Variants in EVI5 observed in about 807,000 individuals in gnomAD.
The protein encoded by EVI5 is ecotropic viral integration site 5 protein homolog.
A neutral mutation model predicts 112.0 loss-of-function variants in EVI5; 73 were observed. The ratio of observed to expected loss-of-function variants is 0.65; its 90% CI spans 0.54 to 0.79. EVI5 has a LOEUF of 0.79. Among genes scored for constraint, EVI5 ranks in the 30% least tolerant of loss-of-function variants. EVI5 has a pLI of 0.00. For synonymous variants in EVI5, 305 were observed against 319.9 expected (o/e 0.95, Z 0.50); for missense variants, 900 against 968.8 (o/e 0.93, Z 0.94).
rs200758588 is a variant in EVI5 at position 92,695,359 on chromosome 1, G to A, written c.860C>T (p.Thr287Ile). 20 of 1,610,004 alleles carry A rather than the reference G, an allele frequency of 1.2e-5. No homozygotes were observed. Among genetic ancestry groups the A allele is most frequent in the Admixed American group, 1.7e-5 (1 of 59,832 alleles). Residue 287 changes from threonine (T) to isoleucine (I), a missense_variant, in exon 7 of 20, where the codon ACT becomes ATT. Transcript: ENST00000684568. ...CCTTGTTGCAATTGGTAGTGGAAAAGTTGTAAGAAAGATAGTCAGAAACCA... is the reference window on the plus strand; with the variant it reads ...CCTTGTTGCAATTGGTAGTGGAAAAATTGTAAGAAAGATAGTCAGAAACCA... ...SSWFLTIFLT[T>I]FPLPIATRIF...
At position 92,736,379 on chromosome 1, in the gene EVI5, G is replaced by A; in HGVS notation, c.149+19C>T. Reference sequence around the variant, plus strand: ...GATTTGTATAATTGGAGAGAAAAAAGCTAAGCAACCTCACTCACCTATTCT... The same window carrying A: ...GATTTGTATAATTGGAGAGAAAAAAACTAAGCAACCTCACTCACCTATTCT... On this transcript the variant is annotated intron_variant, in intron 2 of 19. Transcript: ENST00000684568. 12 of 1,499,328 alleles carry A rather than the reference G, an allele frequency of 8.0e-6. No individual in the cohort carries two copies. Among genetic ancestry groups the A allele is most frequent in the Non-Finnish European group, 1.1e-5 (12 of 1,077,292 alleles). The allele number at this position is 1,499,328 out of a possible 1,614,324, so 92.9% of individuals were successfully genotyped here.
chr1:92,620,632 GA>G (rs1247419975), intron 16 of EVI5, among the ~76,000 whole-genome samples: 6 of 151,862 alleles, frequency 4.0e-5, no homozygotes. Flanking sequence ...AGTGTTAAAA[GA>G]AAAAAACTGT....
chr1:92,567,885 G>A (rs1257084687), intron 18 of EVI5, among the ~76,000 whole-genome samples: 2 of 151,988 alleles, frequency 1.3e-5, no homozygotes, highest in Non-Finnish European at 2.9e-5. Flanking sequence ...CCATATTTAG[G>A]AAAAATATAT....
chr1:92,759,960 G>A (rs1260342509), intron 1 of EVI5, among the ~76,000 whole-genome samples: 1 of 150,070 alleles, frequency 6.7e-6, no homozygotes, highest in African/African-American at 2.5e-5. Flanking sequence ...CTATAAACAT[G>A]AGCATACAAG....
intron 16 of EVI5, among the ~76,000 whole-genome samples, chr1:92,610,821 A>G (rs1353090255): frequency 6.6e-6 from 1 of 152,170 alleles, no homozygotes; most frequent in Non-Finnish European, 1.5e-5. Context: ...ATGGTTTAAG[A>G]GATGGTAACA....
At chr1:92,615,222 A>G (rs1485126085) in intron 16 of EVI5, among the ~76,000 whole-genome samples, 3 of 152,188 alleles carry the variant, frequency 2.0e-5, no homozygotes, top group African/African-American at 7.2e-5. Flanking sequence ...CTATATGTGG[A>G]GAACCAAGGA....
At chr1:92,791,092 G>A (rs990533460) in intron 1 of EVI5, among the ~76,000 whole-genome samples, 3 of 152,124 alleles carry the variant, frequency 2.0e-5, no homozygotes, top group South Asian at 4.1e-4. Flanking sequence ...AAAAACTTTC[G>A]AAATTGAGTC....
chr1:92,524,798 C>A (rs981758507), intron 19 of EVI5, among the ~76,000 whole-genome samples: 4 of 147,554 alleles, frequency 2.7e-5, no homozygotes, highest in African/African-American at 9.9e-5. Flanking sequence ...GGAATATAGT[C>A]TTAGTTTACA....
chr1:92,606,128 T>C (rs1650325945), intron 17 of EVI5, among the ~76,000 whole-genome samples: 1 of 152,202 alleles, frequency 6.6e-6, no homozygotes, highest in Admixed American at 6.5e-5. Context: ...TTCACAGAGG[T>C]ATTAATGAAC....
intron 19 of EVI5, among the ~76,000 whole-genome samples, chr1:92,562,759 A>C (rs1307220248): frequency 2.6e-5 from 4 of 152,174 alleles, no homozygotes; most frequent in Admixed American, 1.3e-4. Flanking sequence ...GTATTACCCA[A>C]AACATACAGA....
At position 92,624,177 on chromosome 1, in the gene EVI5, T is replaced by G. The variant is rs748631244; in HGVS notation, c.1826A>C (p.Gln609Pro). The G allele has an allele frequency of 6.2e-7, 1 of 1,612,692 alleles. No homozygotes were observed. Among genetic ancestry groups the G allele is most frequent in the East Asian group, 2.2e-5 (1 of 44,842 alleles). ...AGATACTGGGCTTTCCCATCATACC[T>G]GTGTTTCCATTTCCATCATCCTTTG... The part of the protein sequence containing the change: ...IKQRMMEMET[Q>P]NQINSNHLRR... Residue 609 changes from glutamine (Q) to proline (P), a missense_variant and splice_region_variant, in exon 16 of 20, where the codon CAG (glutamine) becomes CCG (proline). Coordinates refer to ENST00000684568, the MANE Select transcript of EVI5 (RefSeq NM_001350197.2).
intron 14 of EVI5, among the ~76,000 whole-genome samples, chr1:92,628,557 T>C (rs941225468): frequency 6.6e-6 from 1 of 152,162 alleles, no homozygotes. Context: ...GGCTAGCCAA[T>C]TATCCCAGCA....
At chr1:92,605,147 T>C (rs1650080691) in intron 18 of EVI5, among the ~76,000 whole-genome samples, 160 bp downstream of exon 18, 1 of 152,160 alleles carries the variant, frequency 6.6e-6, no homozygotes, top group African/African-American at 2.4e-5. Context: ...TTTAAAATGG[T>C]AAGTTTTATG....
rs1446859155 is a variant in EVI5 at position 92,614,859 on chromosome 1, T to G, written c.1828-7132A>C. Among the ~76,000 whole-genome samples, 38 of 7,782 alleles carry G rather than the reference T, an allele frequency of 4.9e-3. No individual in the cohort carries two copies. The East Asian group carries it at 0.098, about 20-fold the overall frequency. 5.1% of individuals were successfully genotyped at this position (7,782 alleles called of 152,430 possible). A position where few individuals can be genotyped will look rare whatever the true frequency, so the allele number is the denominator to read the frequency against. On this transcript the variant is annotated intron_variant, in intron 16 of 19. Transcript: ENST00000684568. ...TATATTTTATATATATATATATATA[T>G]ATATATATATATATATATATATATA... is the stretch of plus-strand genomic sequence containing the variant.
intron 1 of EVI5, among the ~76,000 whole-genome samples, chr1:92,747,726 AAC>A (rs1314831364): frequency 1.3e-5 from 2 of 150,086 alleles, no homozygotes; most frequent in Non-Finnish European, 3.0e-5. Flanking sequence ...CAAAAAAAAA[AAC>A]AAAAAAAAAA....
chr1:92,669,971 G>GA (rs963303375), intron 10 of EVI5, among the ~76,000 whole-genome samples: 1 of 151,428 alleles, frequency 6.6e-6, no homozygotes, highest in Non-Finnish European at 1.5e-5. Context: ...TACCAAATTA[G>GA]AAAAAAAAGA....
intron 19 of EVI5, among the ~76,000 whole-genome samples, chr1:92,521,160 C>T (rs1392655114): frequency 6.6e-6 from 1 of 151,950 alleles, no homozygotes; most frequent in Admixed American, 6.5e-5. Flanking sequence ...CGGAGTTTCG[C>T]TATGTTGCCC....
chr1:92,594,502 A>G (rs1337179017), intron 18 of EVI5, among the ~76,000 whole-genome samples: 3 of 150,438 alleles, frequency 2.0e-5, no homozygotes, highest in African/African-American at 4.9e-5. Flanking sequence ...GGACATAGGC[A>G]TGGGCAAGGA....
chr1:92,509,906 T>A lies in EVI5; in HGVS notation c.*3750A>T, dbSNP rs200813873. 3 of 152,260 alleles carry A rather than the reference T, an allele frequency of 2.0e-5. No individual in the cohort carries two copies. Among genetic ancestry groups the A allele is most frequent in the Non-Finnish European group, 4.4e-5 (3 of 68,026 alleles). 9.4% of individuals were successfully genotyped at this position (152,260 alleles called of 1,614,324 possible). A position where few individuals can be genotyped will look rare whatever the true frequency, so the allele number is the denominator to read the frequency against. Reference sequence around the variant, plus strand: ...TGTTTAACTTAATAACATTCAAATATCACAAAATGTCAGTAATTAAATAAA... The same window carrying A: ...TGTTTAACTTAATAACATTCAAATAACACAAAATGTCAGTAATTAAATAAA... On this transcript the variant is annotated 3_prime_UTR_variant, in exon 20 of 20. Coordinates refer to ENST00000684568, the MANE Select transcript of EVI5 (RefSeq NM_001350197.2).
Sources: gnomAD v4.1 joint callset for allele counts (sites outside exome capture counted in the v4.1 genomes callset) on GRCh38, gnomAD v4.1.1 for gene constraint, MANE v1.5 for transcripts, NCBI Gene and HGNC (gene_info 2026-07-23, HGNC 2026-07-21) for gene names.